The following CLYBL variants were observed in gnomAD, a reference collection of about 807,000 sequenced individuals.
CLYBL encodes the protein citramalyl-CoA lyase, mitochondrial.
CLYBL carries 31 observed loss-of-function variants against 38.9 expected under a neutral mutation model. The observed-to-expected ratio is 0.80, with a 90% CI of 0.60 to 1.08. CLYBL has a LOEUF of 1.08. CLYBL is among the 50% of genes least tolerant of loss of function. CLYBL has a pLI of 0.00. For synonymous variants in CLYBL, 171 were observed against 158.6 expected, an observed-to-expected ratio of 1.08 and a Z score of -0.59; for missense variants, 434 against 411.6, an observed-to-expected ratio of 1.05 and a Z score of -0.47.
intron 1 of CLYBL, among the ~76,000 whole-genome samples, chr13:99,746,472 G>C (rs1287752546): frequency 4.0e-5 from 6 of 151,266 alleles, no homozygotes; most frequent in Non-Finnish European, 2.9e-5. Context: ...GCTCTTCACT[G>C]GCTATTTCAA....
intron 6 of CLYBL, among the ~76,000 whole-genome samples, chr13:99,867,500 C>A (rs1045422299): frequency 1.9e-4 from 28 of 150,984 alleles, no homozygotes; most frequent in Non-Finnish European, 3.7e-4. Context: ...ATAAATATGA[C>A]CCCCCCCAAT....
chr13:99,754,087 CAAA>C (rs71121003), intron 1 of CLYBL, among the ~76,000 whole-genome samples: 16 of 45,408 alleles, frequency 3.5e-4, no homozygotes, highest in East Asian at 2.1e-3. Context: ...AACTCGGTCT[CAAA>C]AAAAAAAAAA....
At chr13:99,613,019 AGTG>A (rs2046651501) in intron 1 of CLYBL, among the ~76,000 whole-genome samples, 2 of 82,380 alleles carry the variant, frequency 2.4e-5, no homozygotes, top group African/African-American at 7.1e-5. Context: ...TATTAAAAAT[AGTG>A]ATGATAATAA....
At chr13:99,701,571 A>G (rs1163341045) in intron 1 of CLYBL, among the ~76,000 whole-genome samples, 1 of 152,112 alleles carries the variant, frequency 6.6e-6, no homozygotes, top group Non-Finnish European at 1.5e-5. Context: ...TCGGCCTCCC[A>G]AAGTGCTGGG....
chr13:99,850,208 A>G (rs2051299681), intron 2 of CLYBL, among the ~76,000 whole-genome samples: 1 of 152,220 alleles, frequency 6.6e-6, no homozygotes, highest in Admixed American at 6.5e-5. Flanking sequence ...ATGAAAAGAT[A>G]GCTTCAGAAT....
chr13:99,716,791 T>C (rs1031383721), intron 1 of CLYBL, among the ~76,000 whole-genome samples: 27 of 142,982 alleles, frequency 1.9e-4, no homozygotes, highest in African/African-American at 5.0e-4. Context: ...TCTTTTCTTT[T>C]TTTTTTTTTT....
At chr13:99,783,551 G>A (rs1469363796) in intron 2 of CLYBL, among the ~76,000 whole-genome samples, 1 of 151,902 alleles carries the variant, frequency 6.6e-6, no homozygotes, top group Non-Finnish European at 1.5e-5. Flanking sequence ...CCGCCTCCTG[G>A]GTTCATGCCA....
At chr13:99,696,953 C>T (rs2047989286) in intron 1 of CLYBL, among the ~76,000 whole-genome samples, 1 of 152,044 alleles carries the variant, frequency 6.6e-6, no homozygotes, top group Non-Finnish European at 1.5e-5. Flanking sequence ...ATCTTTTGAC[C>T]CTGTCTTCTC....
At chr13:99,862,562 C>A (rs1349185087) in intron 3 of CLYBL, among the ~76,000 whole-genome samples, 1 of 152,190 alleles carries the variant, frequency 6.6e-6, no homozygotes, top group African/African-American at 2.4e-5. Context: ...TAGAAGGCTG[C>A]TGAACAGTTG....
chr13:99,902,784 G>C (rs7992643), intron 8 of CLYBL, among the ~76,000 whole-genome samples: 70,631 of 152,104 alleles, frequency 0.46, 17,732 homozygotes, highest in African/African-American at 0.64. Context: ...CCTTTTAAGT[G>C]AAGCATTCCC....
chr13:99,842,712 TTAA>T (rs969849362), intron 2 of CLYBL, among the ~76,000 whole-genome samples: 3 of 108,712 alleles, frequency 2.8e-5, no homozygotes, highest in East Asian at 8.1e-4. Context: ...GCCCTTTTTT[TTAA>T]AAAAAAAAGC....
intron 1 of CLYBL, among the ~76,000 whole-genome samples, chr13:99,677,294 A>G (rs2047668028): frequency 6.6e-6 from 1 of 152,192 alleles, no homozygotes; most frequent in South Asian, 2.1e-4. Flanking sequence ...CAAGATAAAG[A>G]TGCCAGAAAC....
chr13:99,759,665 G>A (rs1416595445), intron 1 of CLYBL, among the ~76,000 whole-genome samples: 4 of 152,106 alleles, frequency 2.6e-5, no homozygotes, highest in Non-Finnish European at 5.9e-5. Context: ...AGCACCCATG[G>A]GTGACAAGTG....
chr13:99,680,336 CT>C (rs1379356944), intron 1 of CLYBL, among the ~76,000 whole-genome samples: 2 of 152,188 alleles, frequency 1.3e-5, no homozygotes, highest in African/African-American at 4.8e-5. Flanking sequence ...CTAGATTCTA[CT>C]TTCATTGTTT....
chr13:99,863,211 G>T lies in CLYBL; in HGVS notation c.540+119G>T. On this transcript the variant is annotated intron_variant, in intron 4 of 8. Coordinates refer to ENST00000339105, the MANE Select transcript of CLYBL (RefSeq NM_206808.5). ...TTTCTAGAAAGATTTATAAGCAAAG[G>T]AAATGTTGAGCACCATTTGTTATCT... is the stretch of plus-strand genomic sequence containing the variant. The T allele has an allele frequency of 7.4e-6, 4 of 537,184 alleles. No individual in the cohort carries two copies. The South Asian group carries it at 1.2e-4, about 17-fold the overall frequency. 33.3% of individuals were successfully genotyped at this position (537,184 alleles called of 1,614,324 possible).
At chr13:99,735,813 T>C (rs943685854) in intron 1 of CLYBL, among the ~76,000 whole-genome samples, 4 of 152,134 alleles carry the variant, frequency 2.6e-5, no homozygotes, top group Admixed American at 1.3e-4. Flanking sequence ...TATGTTTGTT[T>C]GCACAAGACT....
At chr13:99,833,007 C>CATATATATATATATAT (rs1555314795) in intron 2 of CLYBL, among the ~76,000 whole-genome samples, 7 of 51,578 alleles carry the variant, frequency 1.4e-4, no homozygotes, top group African/African-American at 4.6e-4. Context: ...TACATACATA[C>CATATATATATATATAT]ATATATATAT....
intron 1 of CLYBL, among the ~76,000 whole-genome samples, chr13:99,716,048 A>G (rs949169280): frequency 5.9e-5 from 9 of 151,864 alleles, no homozygotes; most frequent in African/African-American, 2.2e-4. Context: ...ATTGAATTTT[A>G]TCAAATGCTT....
At chr13:99,689,003 C>T (rs2047859546) in intron 1 of CLYBL, among the ~76,000 whole-genome samples, 1 of 152,144 alleles carries the variant, frequency 6.6e-6, no homozygotes, top group Non-Finnish European at 1.5e-5. Flanking sequence ...TTTTCCAGGT[C>T]TGCCCACTCA....
Sources: allele counts gnomAD v4.1 joint callset (sites outside exome capture counted in the v4.1 genomes callset), GRCh38; gene constraint gnomAD v4.1.1; transcripts MANE v1.5; gene names NCBI Gene and HGNC (gene_info 2026-07-23, HGNC 2026-07-21).